The following FAR2 variants were observed in gnomAD, a reference collection of about 807,000 sequenced individuals.
FAR2 encodes epididymis secretory protein Li 81.
In FAR2, 19 loss-of-function variants were observed where a neutral mutation model predicts 56.0. The ratio of observed to expected loss-of-function variants is 0.34; its 90% CI spans 0.24 to 0.50. FAR2 has a LOEUF of 0.50. Among genes scored for constraint, FAR2 ranks in the 20% least tolerant of loss-of-function variants. The probability of loss-of-function intolerance (pLI) is 0.98; values close to 1 mark genes in which losing one functional copy is unlikely to be tolerated. For missense variants in FAR2, 508 were observed against 642.2 expected, an observed-to-expected ratio of 0.79 and a Z score of 2.26; for synonymous variants, 219 against 218.8, an observed-to-expected ratio of 1.00 and a Z score of -0.01.
At chr12:29,220,818 A>T (rs1449840055) in intron 1 of FAR2, among the ~76,000 whole-genome samples, 1 of 152,178 alleles carries the variant, frequency 6.6e-6, no homozygotes, top group African/African-American at 2.4e-5. Context: ...GCTTTAGAAC[A>T]GGAATCAAAG....
In FAR2 at chr12:29,293,544, T is replaced by TAA. The variant is rs10679359; in HGVS notation, c.365+77_365+78dup. ...CATGTAAATTTCTTCATAGTTTCTG[T>TAA]AAAAAAAAAGAAATACACTCTAAAC... On this transcript the variant is annotated intron_variant, in intron 3 of 11. Transcript: ENST00000536681. The TAA allele has an allele frequency of 5.4e-3, 6,119 of 1,127,928 alleles. 13 individuals carry two copies. Among genetic ancestry groups the TAA allele is most frequent in the African/African-American group, 0.021 (1,287 of 60,994 alleles). 69.9% of individuals were successfully genotyped at this position (1,127,928 alleles called of 1,614,324 possible).
intron 1 of FAR2, among the ~76,000 whole-genome samples, chr12:29,254,255 T>G (rs1168030740): frequency 1.3e-5 from 2 of 152,220 alleles, no homozygotes; most frequent in Non-Finnish European, 2.9e-5. Flanking sequence ...AGTTAATTGC[T>G]GAATTGAATA....
intron 1 of FAR2, among the ~76,000 whole-genome samples, chr12:29,150,486 T>A (rs1165956525): frequency 6.6e-6 from 1 of 152,176 alleles, no homozygotes; most frequent in East Asian, 1.9e-4. Flanking sequence ...AAATGGAAAT[T>A]TGAGAATTAC....
At chr12:29,185,577 G>A (rs1052967370) in intron 1 of FAR2, among the ~76,000 whole-genome samples, 1 of 152,032 alleles carries the variant, frequency 6.6e-6, no homozygotes, top group Non-Finnish European at 1.5e-5. Context: ...TAATAAAAAA[G>A]CAATTTTTAT....
chr12:29,313,151 G>A (rs1591960188), intron 8 of FAR2, among the ~76,000 whole-genome samples: 1 of 152,080 alleles, frequency 6.6e-6, no homozygotes, highest in African/African-American at 2.4e-5. Flanking sequence ...TTCCTACTAG[G>A]AGCAGTAGCC....
At chr12:29,300,462 T>C (rs572910303) in intron 4 of FAR2, among the ~76,000 whole-genome samples, 11 of 152,362 alleles carry the variant, frequency 7.2e-5, no homozygotes, top group Admixed American at 7.2e-4. Flanking sequence ...TTCACCTAAA[T>C]CCAGGTTTAG....
At chr12:29,194,985 C>CT (rs1411338265) in intron 1 of FAR2, among the ~76,000 whole-genome samples, 1 of 152,174 alleles carries the variant, frequency 6.6e-6, no homozygotes, top group Non-Finnish European at 1.5e-5. Flanking sequence ...ATGGTTAAGT[C>CT]TAAGTGGCAT....
intron 1 of FAR2, among the ~76,000 whole-genome samples, chr12:29,189,981 G>A (rs1003767373): frequency 3.9e-5 from 6 of 152,118 alleles, no homozygotes; most frequent in Non-Finnish European, 5.9e-5. Context: ...AGTAGGGGTA[G>A]GAGAATGAGG....
At chr12:29,245,116 G>T (rs926364839) in intron 1 of FAR2, among the ~76,000 whole-genome samples, 4 of 152,082 alleles carry the variant, frequency 2.6e-5, no homozygotes, top group Non-Finnish European at 4.4e-5. Flanking sequence ...GAGTAGCTGG[G>T]ACTACAGGCA....
Position 29,174,750 on chromosome 12 carries a change from C to T in FAR2, c.-39+25343C>T, listed in dbSNP as rs961457109. Among the ~76,000 whole-genome samples the T allele has an allele frequency of 5.3e-5, 8 of 152,000 alleles. No homozygotes were observed. In the East Asian group the frequency reaches 5.8e-4, roughly 11 times the overall value. ...TGGCTTTTAGAAGTGGAACTAGCCT[C>T]GGAGAAGAGAGGCGAGAAGAAGTTT... On this transcript the variant is annotated intron_variant, in intron 1 of 11. Transcript: ENST00000536681.
Position 29,276,920 on chromosome 12 carries a change from G to A in FAR2, c.189+6282G>A, listed in dbSNP as rs1948710290. ...GTATGTGCCACTGCACTCCAGCCTG[G>A]GCAACAGAGTGAAACTCTGTCTCAA... On this transcript the variant is annotated intron_variant, in intron 2 of 11. Coordinates refer to ENST00000536681, the MANE Select transcript of FAR2 (RefSeq NM_001271783.2). Among the ~76,000 whole-genome samples, 4 of 150,560 alleles carry A rather than the reference G, an allele frequency of 2.7e-5. No homozygotes were observed. The South Asian group carries it at 8.4e-4, about 32-fold the overall frequency.
chr12:29,224,060 C>A (rs1023374463), intron 1 of FAR2, among the ~76,000 whole-genome samples: 1 of 152,134 alleles, frequency 6.6e-6, no homozygotes, highest in African/African-American at 2.4e-5. Context: ...CCTAAGAAAT[C>A]GATGACTAAT....
At chr12:29,200,874 G>C (rs1947400466) in intron 1 of FAR2, among the ~76,000 whole-genome samples, 1 of 152,206 alleles carries the variant, frequency 6.6e-6, no homozygotes, top group African/African-American at 2.4e-5. Flanking sequence ...ATGTGAGTCT[G>C]ACTAGCTGAT....
intron 10 of FAR2, chr12:29,331,951 ATT>A (rs1949737643): frequency 6.6e-6 from 1 of 151,870 alleles, no homozygotes; most frequent in African/African-American, 2.4e-5. Flanking sequence ...ATTTTTCTTT[ATT>A]GTCACTCTCT....
In FAR2 at chr12:29,208,287, G is replaced by A. The variant is rs150635894; in HGVS notation, c.-39+58880G>A. ...GGGCACTGCTGGTGACCTCCACAGA[G>A]TGTTTCAGTTCCTACCCTCTACTCC... On this transcript the variant is annotated intron_variant, in intron 1 of 11. Coordinates refer to ENST00000536681, the MANE Select transcript of FAR2 (RefSeq NM_001271783.2). Among the ~76,000 whole-genome samples, 221 of 152,294 alleles carry A rather than the reference G, an allele frequency of 1.5e-3. 1 individual carries two copies. In the South Asian group the frequency reaches 0.021, roughly 15 times the overall value.
At chr12:29,273,769 C>T (rs567945747) in intron 2 of FAR2, among the ~76,000 whole-genome samples, 7 of 152,368 alleles carry the variant, frequency 4.6e-5, no homozygotes, top group South Asian at 4.1e-4. Flanking sequence ...ATGGTAGGCC[C>T]TGGTGGCCTG....
chr12:29,182,168 G>A (rs902228871), intron 1 of FAR2, among the ~76,000 whole-genome samples: 6 of 152,224 alleles, frequency 3.9e-5, no homozygotes, highest in African/African-American at 1.4e-4. Flanking sequence ...TTCACAGCAG[G>A]TGTTACAGCC....
chr12:29,318,478 A>G (rs779001935), intron 9 of FAR2, among the ~76,000 whole-genome samples: 19 of 152,222 alleles, frequency 1.2e-4, no homozygotes, highest in Non-Finnish European at 2.2e-4. Flanking sequence ...ATAAAAATCT[A>G]TATGTATCTT....
intron 3 of FAR2, among the ~76,000 whole-genome samples, chr12:29,294,872 A>ATTT (rs959698274): frequency 2.7e-5 from 4 of 147,594 alleles, no homozygotes; most frequent in Non-Finnish European, 6.0e-5. Context: ...AAGCAGCTTT[A>ATTT]TTTTTTTTTT....
Sources: gnomAD v4.1 joint callset for allele counts (sites outside exome capture counted in the v4.1 genomes callset) on GRCh38, gnomAD v4.1.1 for gene constraint, MANE v1.5 for transcripts, NCBI Gene and HGNC (gene_info 2026-07-23, HGNC 2026-07-21) for gene names.